DCK: variants seen among roughly 807,000 people sequenced by gnomAD.
The protein encoded by DCK is deoxycytidine kinase, also known as deoxyadenosine kinase.
A neutral mutation model predicts 38.3 loss-of-function variants in DCK; 23 were observed. The ratio of observed to expected loss-of-function variants is 0.60; its 90% confidence interval spans 0.43 to 0.85. The LOEUF (loss-of-function observed/expected upper bound fraction) is 0.85, where lower values mean the gene tolerates loss of function less well. DCK is among the 40% of genes least tolerant of loss of function. DCK has a pLI of 0.00. For missense variants in DCK, 259 were observed against 304.4 expected, an observed-to-expected ratio of 0.85 and a Z score of 1.11; for synonymous variants, 108 against 100.6, an observed-to-expected ratio of 1.07 and a Z score of -0.44.
chr4:71,015,101 C>G (rs1330974352), intron 2 of DCK, among the ~76,000 whole-genome samples: 1 of 152,134 alleles, frequency 6.6e-6, no homozygotes, highest in African/African-American at 2.4e-5. Context: ...CACCACTGAT[C>G]CCACAGAAAT....
chr4:71,016,483 C>T (rs1740264704), intron 2 of DCK, among the ~76,000 whole-genome samples: 1 of 152,144 alleles, frequency 6.6e-6, no homozygotes, highest in Non-Finnish European at 1.5e-5. Context: ...CAGGTAAATC[C>T]TAAGCCAAAA....
Position 70,993,876 on chromosome 4 carries a change from C to T in DCK, c.41C>T (p.Ala14Val), listed in dbSNP as rs886191977. ...AAGAGAAGCTGCCCGTCTTTCTCAG[C>T]CAGCTCTGAGGGGACCCGCATCAAG... ...PPKRSCPSFS[A>V]SSEGTRIKKI... is the part of the protein sequence containing the mutation. The change falls in exon 1 of 7, where the codon GCC becomes GTC. Residue 14 changes from alanine (A) to valine (V), a missense_variant. Transcript: ENST00000286648. 5.6e-6 allele frequency: 9 copies of T among 1,613,878 alleles called. No individual in the cohort carries two copies. Among genetic ancestry groups the T allele is most frequent in the Non-Finnish European group, 6.8e-6 (8 of 1,179,916 alleles).
chr4:70,999,478 A>G (rs1739734421), intron 2 of DCK, among the ~76,000 whole-genome samples: 1 of 152,202 alleles, frequency 6.6e-6, no homozygotes, highest in South Asian at 2.1e-4. Flanking sequence ...GCTGGAGTAA[A>G]CATACATATG....
chr4:71,010,719 ATTATAT>A (rs1228505582), intron 2 of DCK, among the ~76,000 whole-genome samples: 9 of 148,178 alleles, frequency 6.1e-5, no homozygotes, highest in Non-Finnish European at 8.9e-5. Flanking sequence ...TAATATAAAA[ATTATAT>A]TTATGGTATG....
chr4:71,002,622 G>A lies in DCK; in HGVS notation c.207+4440G>A, dbSNP rs113961961. Among the ~76,000 whole-genome samples the A allele has an allele frequency of 8.0e-4, 122 of 152,230 alleles. 2 individuals carry two copies. Among genetic ancestry groups the A allele is most frequent in the African/African-American group, 2.8e-3 (117 of 41,552 alleles). ...TCTCTTTGTGGGTTTCTAAGAACTT[G>A]CATTTTGAATCTGGGTGCTCCTGTA... On this transcript the variant is annotated intron_variant, in intron 2 of 6. Coordinates refer to ENST00000286648, the MANE Select transcript of DCK (RefSeq NM_000788.3).
In DCK at chr4:70,993,832, A is replaced by AG; in HGVS notation, c.-2dup. On this transcript the variant is annotated 5_prime_UTR_variant, in exon 1 of 7. Transcript: ENST00000286648. ...CGAGCTCTGGGCCGCCACAAGACTA[A>AG]GGAATGGCCACCCCGCCCAAGAGAA... is the stretch of plus-strand genomic sequence containing the variant. 6.2e-7 allele frequency: 1 copy of AG among 1,611,332 alleles called. No homozygotes were observed. Among genetic ancestry groups the AG allele is most frequent in the African/African-American group, 1.3e-5 (1 of 74,986 alleles).
rs1023824634 is a variant in DCK, at chr4:70,993,771, C to T, written c.-65C>T. ...TAGCGGCGCCGCGAGCTCCAGTGCGCGCACCCGTGGCCGCCTCCCAGCCCT... is the reference window on the plus strand; with the variant it reads ...TAGCGGCGCCGCGAGCTCCAGTGCGTGCACCCGTGGCCGCCTCCCAGCCCT... On this transcript the variant is annotated 5_prime_UTR_variant, in exon 1 of 7. Transcript: ENST00000286648. The T allele has an allele frequency of 2.3e-5, 27 of 1,166,876 alleles. No individual in the cohort carries two copies. The highest frequency in any genetic ancestry group is 4.0e-5 in the Admixed American group (2 of 50,236). 72.3% of individuals were successfully genotyped at this position (1,166,876 alleles called of 1,614,324 possible). A position where few individuals can be genotyped will look rare whatever the true frequency, so the allele number is the denominator to read the frequency against.
intron 2 of DCK, among the ~76,000 whole-genome samples, chr4:71,002,651 G>C (rs1177292579): frequency 6.6e-6 from 1 of 151,992 alleles, no homozygotes; most frequent in Non-Finnish European, 1.5e-5. Context: ...TCCTGTATTG[G>C]GTGCATATCT....
At chr4:70,995,037 T>C (rs2035576) in intron 1 of DCK, among the ~76,000 whole-genome samples, 1 of 152,202 alleles carries the variant, frequency 6.6e-6, no homozygotes, top group African/African-American at 2.4e-5. Context: ...TTCAAAGCAC[T>C]GTACCTTCTT....
At chr4:71,017,133 A>G (rs1409640546) in intron 2 of DCK, among the ~76,000 whole-genome samples, 1 of 152,108 alleles carries the variant, frequency 6.6e-6, no homozygotes, top group Non-Finnish European at 1.5e-5. Context: ...ATGAACAGAC[A>G]CTTTTCAAAA....
intron 2 of DCK, among the ~76,000 whole-genome samples, chr4:71,006,113 A>C (rs1193672242): frequency 2.5e-5 from 3 of 119,080 alleles, no homozygotes; most frequent in Non-Finnish European, 5.1e-5. Flanking sequence ...AAAAAAAAAA[A>C]ACAGAAAAAA....
At position 70,999,098 on chromosome 4, in the gene DCK, C is replaced by T. The variant is rs1202567760; in HGVS notation, c.207+916C>T. 3.3e-5 allele frequency among the ~76,000 whole-genome samples: 5 copies of T among 152,160 alleles called. No homozygotes were observed. The East Asian group carries it at 9.7e-4, about 29-fold the overall frequency. On this transcript the variant is annotated intron_variant, in intron 2 of 6. Coordinates refer to ENST00000286648, the MANE Select transcript of DCK (RefSeq NM_000788.3). Reference sequence around the variant, plus strand: ...GGTTTGTTATGTAGATATACACATGCCATGGTGGTTTGCTGCACCCGTCAA... The same window carrying T: ...GGTTTGTTATGTAGATATACACATGTCATGGTGGTTTGCTGCACCCGTCAA...
intron 2 of DCK, among the ~76,000 whole-genome samples, chr4:71,011,551 T>A (rs185017040): frequency 6.6e-6 from 1 of 152,158 alleles, no homozygotes; most frequent in Non-Finnish European, 1.5e-5. Context: ...GCGATAGGAT[T>A]TTGCCAATGT....
intron 2 of DCK, among the ~76,000 whole-genome samples, chr4:71,005,060 C>G (rs1374679546): frequency 6.6e-6 from 1 of 152,206 alleles, no homozygotes; most frequent in Non-Finnish European, 1.5e-5. Flanking sequence ...AACTCCGTGT[C>G]TGCCCAAATG....
chr4:71,012,926 C>T (rs933418816), intron 2 of DCK, among the ~76,000 whole-genome samples: 1 of 152,112 alleles, frequency 6.6e-6, no homozygotes, highest in South Asian at 2.1e-4. Flanking sequence ...ATGACTTTGA[C>T]GAATTGAGAG....
intron 2 of DCK, among the ~76,000 whole-genome samples, chr4:70,999,157 T>C (rs1739729035): frequency 6.6e-6 from 1 of 152,172 alleles, no homozygotes; most frequent in South Asian, 2.1e-4. Context: ...CTCCTAATGC[T>C]AACCCTTCCC....
intron 6 of DCK, 29 bp from the exon 7 acceptor site, chr4:71,029,323 T>A: frequency 6.6e-7 from 1 of 1,520,264 alleles, no homozygotes; most frequent in East Asian, 2.3e-5. Flanking sequence ...CAAGGAATTA[T>A]ACTGATTTTT....
In DCK at chr4:70,993,668, G is replaced by A; in HGVS notation, c.-168G>A. The A allele has an allele frequency of 1.8e-6, 1 of 555,802 alleles. No individual in the cohort carries two copies. Among genetic ancestry groups the A allele is most frequent in the Non-Finnish European group, 3.2e-6 (1 of 315,512 alleles). 34.4% of individuals were successfully genotyped at this position (555,802 alleles called of 1,614,324 possible). On this transcript the variant is annotated 5_prime_UTR_variant, in exon 1 of 7. Coordinates refer to ENST00000286648, the MANE Select transcript of DCK (RefSeq NM_000788.3). ...CCCGCCAGTGTCCTCAGCTGCCTCC[G>A]CGCGCCAAAGTCAAACCCCGACACC...
At position 71,026,687 on chromosome 4, in the gene DCK, G is replaced by A. The variant is rs1370163913; in HGVS notation, c.688G>A (p.Glu230Lys). 1.3e-6 allele frequency: 2 copies of A among 1,559,518 alleles called. No homozygotes were observed. Among genetic ancestry groups the A allele is most frequent in the Non-Finnish European group, 1.8e-6 (2 of 1,137,602 alleles). The change falls in exon 6 of 7, where the codon GAG becomes AAG. Residue 230 changes from glutamate to lysine, a missense_variant. This residue lies in a region of DCK where 82 missense variants were observed against 103.8 expected (regional missense o/e 0.79). Transcript: ENST00000286648. ...TLKTNFDYLQEVPILTLDVNE... is the reference protein window; with the variant it reads ...TLKTNFDYLQKVPILTLDVNE... ...CAGAACCAACTTCGATTATCTTCAA[G>A]AGGTGCCTATCTTAACACTGGATGT... is the stretch of plus-strand genomic sequence containing the variant.
Sources: gnomAD v4.1 joint callset for allele counts (sites outside exome capture counted in the v4.1 genomes callset) on GRCh38, gnomAD v4.1.1 for gene constraint, gnomAD v4.1.1 regional missense constraint, MANE v1.5 for transcripts, NCBI Gene and HGNC (gene_info 2026-07-23, HGNC 2026-07-21) for gene names.